IL16: variants seen among roughly 807,000 people sequenced by gnomAD.
IL16 encodes interleukin 16.
IL16 carries 67 observed loss-of-function variants against 110.1 expected under a neutral mutation model. The observed-to-expected ratio is 0.61, with a 90% CI of 0.50 to 0.75. The LOEUF (loss-of-function observed/expected upper bound fraction) is 0.75. IL16 is among the 30% of genes least tolerant of loss of function. The pLI is 0.00. For missense variants in IL16, 1,545 were observed against 1,655.0 expected (o/e 0.93, Z 1.15); for synonymous variants, 689 against 662.9 (o/e 1.04, Z -0.61).
chr15:81,277,683 C>T (rs1040830689), intron 6 of IL16, among the ~76,000 whole-genome samples: 19 of 152,102 alleles, frequency 1.2e-4, no homozygotes, highest in African/African-American at 4.6e-4. Flanking sequence ...TCACAAAGCG[C>T]TGGGATTAGA....
At chr15:81,209,408 G>T (rs1896152415) in intron 1 of IL16, among the ~76,000 whole-genome samples, 1 of 152,118 alleles carries the variant, frequency 6.6e-6, no homozygotes, top group Non-Finnish European at 1.5e-5. Context: ...GCTCACAGGG[G>T]CTTGGAAGAA....
At chr15:81,214,744 C>T (rs988845204) in intron 1 of IL16, among the ~76,000 whole-genome samples, 1 of 152,156 alleles carries the variant, frequency 6.6e-6, no homozygotes, top group African/African-American at 2.4e-5. Context: ...CTCTCCTTTT[C>T]TCTCAGGAAT....
intron 6 of IL16, among the ~76,000 whole-genome samples, chr15:81,273,705 G>A (rs1432683356): frequency 6.6e-5 from 10 of 152,022 alleles, no homozygotes; most frequent in Non-Finnish European, 1.0e-4. Flanking sequence ...TGAATCCTAG[G>A]GTCTAGGAAT....
At chr15:81,290,065 G>C (rs11632576) in intron 10 of IL16, 157,269 of 337,854 alleles carry the variant, frequency 0.47, 37,022 homozygotes, top group South Asian at 0.59. Context: ...AGCTCAGACA[G>C]TATAATAGTG....
At chr15:81,199,039 A>G (rs918070159) in intron 1 of IL16, among the ~76,000 whole-genome samples, 2 of 73,436 alleles carry the variant, frequency 2.7e-5, no homozygotes, top group East Asian at 9.4e-4. Flanking sequence ...AAATATATAT[A>G]TATATATATA....
Position 81,310,308 on chromosome 15 carries a change from G to A in IL16, c.*1510G>A, listed in dbSNP as rs1369925659. The A allele has an allele frequency of 6.6e-6, 1 of 152,216 alleles. No individual in the cohort carries two copies. The highest frequency in any genetic ancestry group is 2.4e-5 in the African/African-American group (1 of 41,448). The allele number at this position is 152,216 out of a possible 1,614,324, so 9.4% of individuals were successfully genotyped here. A position where few individuals can be genotyped will look rare whatever the true frequency, so the allele number is the denominator to read the frequency against. On this transcript the variant is annotated 3_prime_UTR_variant, in exon 19 of 19. Transcript: ENST00000683961. ...AGTGAAGAATCTGTTTCCCAGCAGT[G>A]GACTCAAAACCCATCTGGGCTCCTA...
chr15:81,190,814 C>A lies in IL16; in HGVS notation c.40+7918C>A, dbSNP rs189061528. ...AAGATGGTGAATCCCCACAATTACA[C>A]CCCAGACCCAGGGTTTATATATCAT... On this transcript the variant is annotated intron_variant, in intron 1 of 18. Coordinates refer to the IL16 transcript ENST00000302987. 1.4e-4 allele frequency among the ~76,000 whole-genome samples: 22 copies of A among 152,290 alleles called. No individual in the cohort carries two copies. In the East Asian group the frequency reaches 4.2e-3, roughly 29 times the overall value.
chr15:81,214,909 A>G (rs929751145), intron 1 of IL16, among the ~76,000 whole-genome samples: 3 of 152,142 alleles, frequency 2.0e-5, no homozygotes. Flanking sequence ...AGCTTGATCT[A>G]TTCTGCTGTT....
upstream of IL16, among the ~76,000 whole-genome samples, chr15:81,192,667 T>G (rs1420866552): frequency 6.6e-6 from 1 of 152,192 alleles, no homozygotes; most frequent in Non-Finnish European, 1.5e-5. Context: ...CTTGCAAATT[T>G]TATGCTGATC....
Position 81,300,094 on chromosome 15 carries a change from CT to C in IL16, c.2769del (p.Pro925GlnfsTer18). On this transcript the variant is annotated frameshift_variant, in exon 14 of 19. Coordinates refer to ENST00000683961, the MANE Select transcript of IL16 (RefSeq NM_172217.5). LOFTEE classifies it high-confidence loss of function. ...AGAGACCCAGGTGTGTCTGAGTCCC[CT>C]CCCCCAGGGCGGCAGCCCAATCAGA... The part of the protein sequence containing the change: ...EARDPGVSES[P>X]PPGRQPNQKT... The C allele has an allele frequency of 6.3e-7, 1 of 1,581,262 alleles. No individual in the cohort carries two copies. Among genetic ancestry groups the C allele is most frequent in the Non-Finnish European group, 8.6e-7 (1 of 1,164,780 alleles).
intron 1 of IL16, among the ~76,000 whole-genome samples, chr15:81,214,703 C>T (rs1261286445): frequency 6.6e-6 from 1 of 152,084 alleles, no homozygotes; most frequent in African/African-American, 2.4e-5. Context: ...GGGACTATAT[C>T]CTCAAATGTA....
intron 5 of IL16, among the ~76,000 whole-genome samples, chr15:81,270,824 G>A (rs1898598951): frequency 6.6e-6 from 1 of 152,134 alleles, no homozygotes; most frequent in Admixed American, 6.5e-5. Context: ...GCCGGGGGGT[G>A]GAAGAAGATG....
At chr15:81,225,746 C>T in intron 2 of IL16, 35 bp downstream of exon 2, 1 of 1,507,444 alleles carries the variant, frequency 6.6e-7, no homozygotes, top group South Asian at 1.3e-5. Flanking sequence ...AACTAGCCTG[C>T]AGTTGGTTTC....
chr15:81,285,187 G>T (rs1899388983), intron 9 of IL16, among the ~76,000 whole-genome samples: 1 of 151,678 alleles, frequency 6.6e-6, no homozygotes, highest in African/African-American at 2.4e-5. Flanking sequence ...AATCTCAACT[G>T]CTCTCCTGTT....
chr15:81,253,549 C>A (rs1454415588), intron 2 of IL16, among the ~76,000 whole-genome samples: 1 of 152,168 alleles, frequency 6.6e-6, no homozygotes, highest in South Asian at 2.1e-4. Context: ...TAACCCAACC[C>A]AAGATTTACT....
rs1393090110 is a variant in IL16, at chr15:81,259,942, A to G, written c.421+62A>G. 1.7e-5 allele frequency: 18 copies of G among 1,042,252 alleles called. No homozygotes were observed. The African/African-American group carries it at 2.0e-4, about 12-fold the overall frequency. The allele number at this position is 1,042,252 out of a possible 1,614,324, so 64.6% of individuals were successfully genotyped here. A position where few individuals can be genotyped will look rare whatever the true frequency, so the allele number is the denominator to read the frequency against. On this transcript the variant is annotated intron_variant, in intron 3 of 18. Transcript: ENST00000683961. ...TCAGCTGTTCCTGGATAGCAGGACTATTGGGAGGATAGCGGCTCTCTTCTG... is the reference window on the plus strand; with the variant it reads ...TCAGCTGTTCCTGGATAGCAGGACTGTTGGGAGGATAGCGGCTCTCTTCTG...
chr15:81,295,561 C>G, intron 12 of IL16: 1 of 1,232,146 alleles, frequency 8.1e-7, no homozygotes, highest in Non-Finnish European at 1.1e-6. Context: ...CTCTTGTGGA[C>G]AAGAGACTTA....
At chr15:81,268,684 A>T (rs1233121279) in intron 4 of IL16, among the ~76,000 whole-genome samples, 1 of 152,222 alleles carries the variant, frequency 6.6e-6, no homozygotes, top group Non-Finnish European at 1.5e-5. Flanking sequence ...TCAGCCCCAG[A>T]CTCTTTCCAA....
At chr15:81,221,438 G>A (rs1896612889) in intron 1 of IL16, among the ~76,000 whole-genome samples, 2 of 152,166 alleles carry the variant, frequency 1.3e-5, no homozygotes, top group South Asian at 2.1e-4. Context: ...CTGGACTGGA[G>A]GAATGGCATG....
Sources: allele counts gnomAD v4.1 joint callset (sites outside exome capture counted in the v4.1 genomes callset), GRCh38; gene constraint gnomAD v4.1.1; transcripts MANE v1.5; gene names NCBI Gene and HGNC (gene_info 2026-07-23, HGNC 2026-07-21).